C2CD2: variants seen among roughly 807,000 people sequenced by gnomAD.
C2CD2 encodes C2 domain-containing protein 2.
A neutral mutation model predicts 74.3 loss-of-function variants in C2CD2; 43 were observed. The ratio of observed to expected loss-of-function variants is 0.58; its 90% CI spans 0.45 to 0.75. The LOEUF is 0.75. Ranked by LOEUF, C2CD2 falls within the 30% of genes least tolerant of loss-of-function variation. C2CD2 has a pLI of 0.00. For synonymous variants in C2CD2, 422 were observed against 390.7 expected (o/e 1.08, Z -0.94); for missense variants, 801 against 916.3 (o/e 0.87, Z 1.63).
chr21:41,927,053 G>A (rs1284479407), intron 2 of C2CD2, among the ~76,000 whole-genome samples: 1 of 152,136 alleles, frequency 6.6e-6, no homozygotes, highest in East Asian at 1.9e-4. Flanking sequence ...TTCTACTCTG[G>A]AACTGGGACT....
Position 41,896,140 on chromosome 21 carries a change from T to C in C2CD2, c.1870+2913A>G, listed in dbSNP as rs796916163. On this transcript the variant is annotated intron_variant, in intron 13 of 13. Transcript: ENST00000380486. Reference sequence around the variant, plus strand: ...CGAGGCAGGCAGGTCGGCTGGCTGCTGAGCTACAGGCTGCACTCCTAGGAC... The same window carrying C: ...CGAGGCAGGCAGGTCGGCTGGCTGCCGAGCTACAGGCTGCACTCCTAGGAC... Among the ~76,000 whole-genome samples, 4 of 152,304 alleles carry C rather than the reference T, an allele frequency of 2.6e-5. No homozygotes were observed. In the East Asian group the frequency reaches 7.7e-4, roughly 29 times the overall value.
chr21:41,910,049 G>C lies in C2CD2; in HGVS notation c.954-526C>G, dbSNP rs138999324. On this transcript the variant is annotated intron_variant, in intron 7 of 13. Transcript: ENST00000380486. ...AAGTCTTGCTACGTTGCCCAGGCTG[G>C]TGTCGAACTCCTGAGCTCAAGCCAT... Among the ~76,000 whole-genome samples, 597 of 150,404 alleles carry C rather than the reference G, an allele frequency of 4.0e-3. 5 individuals carry two copies. The highest frequency in any genetic ancestry group is 0.014 in the African/African-American group (571 of 40,894).
At position 41,945,051 on chromosome 21, in the gene C2CD2, T is replaced by G. The variant is rs986827941; in HGVS notation, c.280-2806A>C. Among the ~76,000 whole-genome samples the G allele has an allele frequency of 7.2e-5, 11 of 152,218 alleles. No individual in the cohort carries two copies. Among genetic ancestry groups the G allele is most frequent in the African/African-American group, 2.4e-4 (10 of 41,454 alleles). On this transcript the variant is annotated intron_variant, in intron 1 of 13. Coordinates refer to ENST00000380486, the MANE Select transcript of C2CD2 (RefSeq NM_015500.2). This position sits in a 1 kb window ranked among gnomAD's most constrained non-coding sequence, Gnocchi z 4.2. The stretch of plus-strand genomic sequence containing the variant: ...AAATGCTATAATCCAGTAAATGTGT[T>G]TCATAGGTTGGGAACTCAGAAACTA...
At chr21:41,904,956 C>T (rs993319652) in intron 11 of C2CD2, among the ~76,000 whole-genome samples, 4 of 152,120 alleles carry the variant, frequency 2.6e-5, no homozygotes, top group African/African-American at 9.7e-5. Context: ...CTGAAACTGA[C>T]CATAAAATAG....
chr21:41,925,038 C>G (rs1178618152), intron 2 of C2CD2, among the ~76,000 whole-genome samples: 1 of 152,188 alleles, frequency 6.6e-6, no homozygotes, highest in Non-Finnish European at 1.5e-5. Flanking sequence ...TCTCTACATT[C>G]TACTCTAGGA....
intron 13 of C2CD2, among the ~76,000 whole-genome samples, chr21:41,898,762 G>C (rs172637): frequency 0.26 from 39,408 of 152,154 alleles, 5,719 homozygotes; most frequent in Middle Eastern, 0.41. Flanking sequence ...TTGGTAACCC[G>C]TCGGGAAGCC....
intron 2 of C2CD2, among the ~76,000 whole-genome samples, chr21:41,932,348 A>G (rs1372590339): frequency 6.7e-6 from 1 of 150,166 alleles, no homozygotes; most frequent in Admixed American, 6.7e-5. Context: ...ATAAACTAGT[A>G]ATAGTTAGTA....
chr21:41,952,554 T>C (rs1016289801), intron 1 of C2CD2, among the ~76,000 whole-genome samples: 2 of 152,228 alleles, frequency 1.3e-5, no homozygotes, highest in African/African-American at 2.4e-5. Context: ...TGCCTAAGAA[T>C]AGTACATGCC....
intron 2 of C2CD2, among the ~76,000 whole-genome samples, chr21:41,935,346 C>A (rs2059959484): frequency 6.6e-6 from 1 of 152,206 alleles, no homozygotes; most frequent in South Asian, 2.1e-4. Flanking sequence ...GAGCTAATCA[C>A]CAGTTCATGC....
rs199724347 is a variant in C2CD2 at position 41,912,388 on chromosome 21, G to A, written c.897C>T (p.Phe299=). The A allele has an allele frequency of 5.6e-6, 9 of 1,612,870 alleles. No individual in the cohort carries two copies. In the East Asian group the frequency reaches 2.0e-4, roughly 36 times the overall value. Residue 299 remains phenylalanine (F), a synonymous_variant, in exon 7 of 14, where the codon TTC becomes TTT. Transcript: ENST00000380486. ...VVQLNDPVQR[F]SSTLTKNTPD... ...GAGTGTTTTTCGTCAGGGTGCTGGA[G>A]AACCTCTGAACAGGATCGTTCAGCT...
chr21:41,948,889 TTTTC>T lies in C2CD2; in HGVS notation c.279+4477_279+4480del, dbSNP rs1206459611. 6.9e-4 allele frequency among the ~76,000 whole-genome samples: 89 copies of T among 129,272 alleles called. 11 individuals carry two copies. The highest frequency in any genetic ancestry group is 1.9e-3 in the African/African-American group (67 of 34,920). 84.8% of individuals were successfully genotyped at this position (129,272 alleles called of 152,430 possible). ...CAGCATCTTTTTTTTTTTTTTTTTTTTTTCTTTTTTTTTACAAAGACCATAATGA... is the reference window on the plus strand; with the variant it reads ...CAGCATCTTTTTTTTTTTTTTTTTTTTTTTTTTTTACAAAGACCATAATGA... On this transcript the variant is annotated intron_variant, in intron 1 of 13. Transcript: ENST00000380486.
chr21:41,890,919 T>C (rs1417500159), intron 13 of C2CD2, among the ~76,000 whole-genome samples: 3 of 152,234 alleles, frequency 2.0e-5, no homozygotes, highest in African/African-American at 7.2e-5. Flanking sequence ...CCATCTGCTC[T>C]GCCCAGGTTA....
intron 1 of C2CD2, among the ~76,000 whole-genome samples, chr21:41,942,758 C>G (rs1376083847): frequency 6.6e-6 from 1 of 152,236 alleles, no homozygotes; most frequent in East Asian, 1.9e-4. Flanking sequence ...TAGGGTGCCC[C>G]CCATTCTCCT....
In C2CD2 at chr21:41,907,031, G is replaced by C. The variant is rs762411239; in HGVS notation, c.1279C>G (p.Pro427Ala). 1 of 1,614,054 alleles carries C rather than the reference G, an allele frequency of 6.2e-7. No individual in the cohort carries two copies. The highest frequency in any genetic ancestry group is 1.1e-5 in the South Asian group (1 of 91,086). ...VTTVTAVKTK[P>A]RVDVGRASPL... ...GACGCCCTCCCCACGTCGACGCGAG[G>C]CTTGGTCTTCACAGCAGTGACAGTA... The change falls in exon 10 of 14, where the codon CCT becomes GCT. Residue 427 changes from proline to alanine, a missense_variant. By Grantham distance (27) the Pro-to-Ala change is conservative. Coordinates refer to ENST00000380486, the MANE Select transcript of C2CD2 (RefSeq NM_015500.2).
rs1225145419 is a variant in C2CD2 at position 41,899,680 on chromosome 21, C to T, written c.1561-318G>A. Among the ~76,000 whole-genome samples the T allele has an allele frequency of 6.6e-6, 1 of 151,918 alleles. No homozygotes were observed. Among genetic ancestry groups the T allele is most frequent in the African/African-American group, 2.4e-5 (1 of 41,364 alleles). ...TGTGGCAAGCTGCAGAAATGAGATG[C>T]GAGAGAGAGAGCCCGTCCTTCAGAG... On this transcript the variant is annotated intron_variant, in intron 12 of 13. Coordinates refer to ENST00000380486, the MANE Select transcript of C2CD2 (RefSeq NM_015500.2). This position sits in a 1 kb window ranked among gnomAD's most constrained non-coding sequence, Gnocchi z 4.4.
Position 41,918,859 on chromosome 21 carries a change from C to T in C2CD2, c.594G>A (p.Gly198=), listed in dbSNP as rs945360251. The T allele has an allele frequency of 5.6e-6, 9 of 1,612,234 alleles. No homozygotes were observed. In the African/African-American group the frequency reaches 8.0e-5, roughly 14 times the overall value. ...MAVNIQPKAL[G]EDQVAETSAM... ...TCATAAAAACTTACGGACTGACCTC[C>T]CCCAGTGCTTTGGGCTGGATATTAA... The change falls in exon 4 of 14, where the codon GGG becomes GGA. Residue 198 remains glycine, a synonymous_variant. Transcript: ENST00000380486.
At position 41,901,630 on chromosome 21, in the gene C2CD2, T is replaced by A. The variant is rs146932170; in HGVS notation, c.1552A>T (p.Ile518Phe). The A allele has an allele frequency of 1.2e-6, 2 of 1,614,036 alleles. No individual in the cohort carries two copies. The highest frequency in any genetic ancestry group is 1.7e-6 in the Non-Finnish European group (2 of 1,180,028). ...AGCCACCACGATGGTACCTTGGAGATCCCTGATATGATAATAGTGCTTTTC... is the reference window on the plus strand; with the variant it reads ...AGCCACCACGATGGTACCTTGGAGAACCCTGATATGATAATAGTGCTTTTC... ...RKKSTIIISGISKTSLSQDHD... is the reference protein window; with the variant it reads ...RKKSTIIISGFSKTSLSQDHD... Residue 518 changes from isoleucine (I) to phenylalanine (F), a missense_variant, in exon 12 of 14, where the codon ATC becomes TTC. Physicochemically the swap from Ile to Phe is conservative, Grantham distance 21 (BLOSUM62 0). Coordinates refer to ENST00000380486, the MANE Select transcript of C2CD2 (RefSeq NM_015500.2).
At chr21:41,911,504 G>A (rs2065025616) in intron 7 of C2CD2, among the ~76,000 whole-genome samples, 1 of 148,876 alleles carries the variant, frequency 6.7e-6, no homozygotes, top group East Asian at 2.0e-4. Flanking sequence ...TGATTCTCCT[G>A]CCTCGGCTTC....
Position 41,899,689 on chromosome 21 carries a change from G to T in C2CD2, c.1561-327C>A, listed in dbSNP as rs78642128. On this transcript the variant is annotated intron_variant, in intron 12 of 13. Coordinates refer to ENST00000380486, the MANE Select transcript of C2CD2 (RefSeq NM_015500.2). The surrounding 1 kb of genome is among the most constrained non-coding windows in gnomAD (Gnocchi z 4.4). ...CTGCAGAAATGAGATGCGAGAGAGA[G>T]AGCCCGTCCTTCAGAGTCCACGACA... is the stretch of plus-strand genomic sequence containing the variant. 0.016 allele frequency among the ~76,000 whole-genome samples: 2,489 copies of T among 152,212 alleles called. 77 individuals carry two copies. Among genetic ancestry groups the T allele is most frequent in the African/African-American group, 0.056 (2,345 of 41,530 alleles).
Sources: gnomAD v4.1 joint callset for allele counts (sites outside exome capture counted in the v4.1 genomes callset) on GRCh38, gnomAD v4.1.1 for gene constraint, Gnocchi (gnomAD v3.1) non-coding constraint, MANE v1.5 for transcripts, NCBI Gene and HGNC (gene_info 2026-07-23, HGNC 2026-07-21) for gene names.